Variants in JUP observed in about 807,000 individuals in gnomAD.
The protein encoded by JUP is junction plakoglobin, also known as catenin (cadherin-associated protein), gamma 80kDa.
A neutral mutation model predicts 71.1 loss-of-function variants in JUP; 28 were observed. The observed-to-expected ratio is 0.39, with a 90% CI of 0.29 to 0.54. JUP has a LOEUF of 0.54. Among genes scored for constraint, JUP ranks in the 20% least tolerant of loss-of-function variants. The pLI, the probability that JUP is intolerant of heterozygous loss-of-function variation, is 0.62. For missense variants in JUP, 869 were observed against 1,030.1 expected (o/e 0.84, Z 2.14); for synonymous variants, 401 against 438.9 (o/e 0.91, Z 1.08).
chr17:41,756,635 A>G (rs569739813), intron 12 of JUP, among the ~76,000 whole-genome samples: 34 of 151,834 alleles, frequency 2.2e-4, no homozygotes, highest in Non-Finnish European at 2.6e-4. Context: ...GCAGTGGCTC[A>G]CGCCTGTAAT....
chr17:41,776,214 T>C (rs1597850097), intron 1 of JUP, among the ~76,000 whole-genome samples: 1 of 152,250 alleles, frequency 6.6e-6, no homozygotes, highest in South Asian at 2.1e-4. Context: ...GCCAGCACCC[T>C]GTGCAGACAC....
In JUP at chr17:41,771,858, G is replaced by A. The variant is rs782493861; in HGVS notation, c.-4C>T. The A allele has an allele frequency of 1.4e-5, 23 of 1,606,396 alleles. No homozygotes were observed. In the East Asian group the frequency reaches 5.2e-4, roughly 36 times the overall value. On this transcript the variant is annotated 5_prime_UTR_variant, in exon 2 of 14. Transcript: ENST00000393931. ...CCATCAGGTTCATCACCTCCATCGT[G>A]GCTACTGGGGGCACAAAGGAGGAAG...
chr17:41,783,019 C>A (rs1292209450), intron 1 of JUP, among the ~76,000 whole-genome samples: 1 of 151,668 alleles, frequency 6.6e-6, no homozygotes, highest in Admixed American at 6.6e-5. Context: ...ATCGCTTGAA[C>A]CCAGGAGGTA....
In JUP at chr17:41,767,588, G is replaced by C; in HGVS notation, c.708-8C>G. The C allele has an allele frequency of 1.3e-6, 2 of 1,582,228 alleles. No homozygotes were observed. Among genetic ancestry groups the C allele is most frequent in the East Asian group, 4.5e-5 (2 of 44,732 alleles). On this transcript the variant is annotated splice_region_variant and splice_polypyrimidine_tract_variant and intron_variant, in intron 4 of 13. Transcript: ENST00000393931. ...ACCGACTCCACAGGGGAGCTGGGGG[G>C]GTGGGCAGGGGTTAGTACGCTGAGG...
At chr17:41,763,740 A>G (rs1915260498) in intron 7 of JUP, among the ~76,000 whole-genome samples, 1 of 152,076 alleles carries the variant, frequency 6.6e-6, no homozygotes, top group Admixed American at 6.6e-5. Flanking sequence ...GGCCCAGCTG[A>G]GCCATGTCTA....
In JUP at chr17:41,767,475, T is replaced by C. The variant is rs1597817544; in HGVS notation, c.813A>G (p.Gln271=). ...TCTTGTTGAGCAGGGGCACCATCTT[T>C]TGCAGCCCGTCGGCCAGGCGCACGG... The part of the protein sequence containing the change: ...KMAVRLADGL[Q]KMVPLLNKNN... Residue 271 remains glutamine, a synonymous_variant, in exon 5 of 14, where the codon CAA becomes CAG. Transcript: ENST00000393931. 1 of 1,614,100 alleles carries C rather than the reference T, an allele frequency of 6.2e-7. No homozygotes were observed. Among genetic ancestry groups the C allele is most frequent in the Non-Finnish European group, 8.5e-7 (1 of 1,180,012 alleles).
rs1555599849 is a variant in JUP, at chr17:41,758,848, T to C, written c.1520A>G (p.Asn507Ser). 4.4e-6 allele frequency: 7 copies of C among 1,608,722 alleles called. No homozygotes were observed. Among genetic ancestry groups the C allele is most frequent in the African/African-American group, 1.3e-5 (1 of 74,850 alleles). Reference sequence around the variant, plus strand: ...ATGGTTGGCTGGGCACAGGGCCAGATTCCTGATCAAGCCGATGGTTGCCTG... The same window carrying C: ...ATGGTTGGCTGGGCACAGGGCCAGACTCCTGATCAAGCCGATGGTTGCCTG... ...LVKATIGLIR[N>S]LALCPANHAP... Residue 507 changes from asparagine to serine, a missense_variant, in exon 9 of 14, where the codon AAT becomes AGT. Transcript: ENST00000393931.
chr17:41,756,630 G>A (rs1913817916), intron 12 of JUP, among the ~76,000 whole-genome samples: 1 of 151,316 alleles, frequency 6.6e-6, no homozygotes, highest in Non-Finnish European at 1.5e-5. Flanking sequence ...TGGGCGCAGT[G>A]GCTCACGCCT....
chr17:41,765,723 G>A (rs1915614271), intron 5 of JUP, among the ~76,000 whole-genome samples: 1 of 152,146 alleles, frequency 6.6e-6, no homozygotes, highest in African/African-American at 2.4e-5. Flanking sequence ...GTGCTGACAA[G>A]GACATGACAA....
Position 41,767,575 on chromosome 17 carries a change from G to T in JUP, c.713C>A (p.Pro238His). Residue 238 changes from proline to histidine, a missense_variant, in exon 5 of 14, where the codon CCT (proline) becomes CAT (histidine). Physicochemically the swap from Pro to His is moderately conservative, Grantham distance 77 (BLOSUM62 -2). Transcript: ENST00000393931. ...IPALVRMLSS[P>H]VESVLFYAIT... The stretch of plus-strand genomic sequence containing the variant: ...GGCATAGAACAGGACCGACTCCACA[G>T]GGGAGCTGGGGGGGTGGGCAGGGGT... 6.2e-7 allele frequency: 1 copy of T among 1,609,964 alleles called. No individual in the cohort carries two copies.
chr17:41,755,774 CG>C lies in JUP; in HGVS notation c.2207del (p.Pro736ArgfsTer28). On this transcript the variant is annotated frameshift_variant, in exon 14 of 14. Transcript: ENST00000393931. LOFTEE classifies it high-confidence loss of function. ...IDTYSDGLRP[P>X]YPTADHMLA ...CCAGCATGTGGTCTGCAGTGGGGTA[CG>C]GGGGCCTGAGGCCGTCGCTGTAGGT... 1 of 1,608,410 alleles carries C rather than the reference CG, an allele frequency of 6.2e-7. No individual in the cohort carries two copies.
chr17:41,764,672 C>T, intron 7 of JUP, 41 bp downstream of exon 7: 15 of 1,531,516 alleles, frequency 9.8e-6, no homozygotes, highest in Non-Finnish European at 1.4e-5. Flanking sequence ...CTGGATGGGG[C>T]AGCTGAAGAG....
intron 2 of JUP, among the ~76,000 whole-genome samples, chr17:41,770,899 T>C (rs1050925060): frequency 2.0e-5 from 3 of 152,226 alleles, no homozygotes; most frequent in Non-Finnish European, 2.9e-5. Context: ...CAAAGGGGAA[T>C]CCCTGGGGGT....
At position 41,767,708 on chromosome 17, in the gene JUP, T is replaced by C. The variant is rs9914693; in HGVS notation, c.708-128A>G. ...TGACGCCCCTCTGGAAATATCCCTT[T>C]GCTAAAATCTCATCACTCCTTGAGC... On this transcript the variant is annotated intron_variant, in intron 4 of 13. Transcript: ENST00000393931. 544,199 of 704,050 alleles carry C rather than the reference T, an allele frequency of 0.77. 213,479 individuals are homozygous for C. The highest frequency in any genetic ancestry group is 0.82 in the Non-Finnish European group (338,651 of 413,614). The allele number at this position is 704,050 out of a possible 1,614,324, so 43.6% of individuals were successfully genotyped here.
intron 8 of JUP, among the ~76,000 whole-genome samples, chr17:41,760,413 G>A (rs1356577769): frequency 4.0e-5 from 6 of 151,414 alleles, no homozygotes; most frequent in African/African-American, 7.3e-5. Context: ...CCGCCACCAC[G>A]CCTGGCTAAT....
Position 41,764,827 on chromosome 17 carries a change from G to A in JUP, c.1055-11C>T. 3 of 1,613,608 alleles carry A rather than the reference G, an allele frequency of 1.9e-6. No homozygotes were observed. The highest frequency in any genetic ancestry group is 2.5e-6 in the Non-Finnish European group (3 of 1,179,714). On this transcript the variant is annotated splice_polypyrimidine_tract_variant and intron_variant, in intron 6 of 13. Coordinates refer to ENST00000393931, the MANE Select transcript of JUP (RefSeq NM_002230.4). Reference sequence around the variant, plus strand: ...GGGCCTGCATCCCACCTGGGGCAGGGATAGGGGTGCCATCAGCCACGGGGA... The same window carrying A: ...GGGCCTGCATCCCACCTGGGGCAGGAATAGGGGTGCCATCAGCCACGGGGA...
chr17:41,774,042 G>A (rs1555607894), intron 1 of JUP, among the ~76,000 whole-genome samples: 1 of 152,186 alleles, frequency 6.6e-6, no homozygotes, highest in African/African-American at 2.4e-5. Context: ...AGCTAAGGGA[G>A]AGGGAAGCGG....
At chr17:41,775,007 G>A (rs1917226363) in intron 1 of JUP, among the ~76,000 whole-genome samples, 1 of 151,952 alleles carries the variant, frequency 6.6e-6, no homozygotes, top group African/African-American at 2.4e-5. Flanking sequence ...GGAGGCTGGG[G>A]CGGGAGAATT....
intron 10 of JUP, chr17:41,758,141 T>C (rs111681846): frequency 3.5e-4 from 188 of 539,992 alleles, no homozygotes; most frequent in African/African-American, 3.3e-3. Flanking sequence ...ATGGTTTTCA[T>C]GTTTATATGG....
Sources: allele counts gnomAD v4.1 joint callset (sites outside exome capture counted in the v4.1 genomes callset), GRCh38; gene constraint gnomAD v4.1.1; transcripts MANE v1.5; gene names NCBI Gene and HGNC (gene_info 2026-07-23, HGNC 2026-07-21).